PCDHA2: variants seen among roughly 807,000 people sequenced by gnomAD.
PCDHA2 encodes the protein protocadherin alpha 2, also known as protocadherin alpha-2.
In PCDHA2, 58 loss-of-function variants were observed where a neutral mutation model predicts 66.0. That is an observed-to-expected ratio of 0.88 (90% CI 0.71 to 1.09). The LOEUF (loss-of-function observed/expected upper bound fraction) is 1.09, where lower values mean the gene tolerates loss of function less well. Among genes scored for constraint, PCDHA2 ranks in the 50% least tolerant of loss-of-function variants. PCDHA2 has a pLI of 0.00. For missense variants in PCDHA2, 1,267 were observed against 1,242.3 expected (o/e 1.02, Z -0.30); for synonymous variants, 634 against 554.0 (o/e 1.14, Z -2.03).
At chr5:140,936,367 A>C (rs1347774517) in intron 1 of PCDHA2, among the ~76,000 whole-genome samples, 2 of 152,230 alleles carry the variant, frequency 1.3e-5, no homozygotes, top group East Asian at 1.9e-4. Flanking sequence ...GCTACTGAGC[A>C]CTTGAAATGT....
At chr5:140,857,189 A>C (rs782018937) in intron 1 of PCDHA2, 1 of 1,598,598 alleles carries the variant, frequency 6.3e-7, no homozygotes, top group Non-Finnish European at 8.6e-7. Context: ...TTCAGGAGCC[A>C]ACGGACAGGT....
chr5:140,819,029 A>G (rs1307031526), intron 1 of PCDHA2, among the ~76,000 whole-genome samples: 1 of 152,214 alleles, frequency 6.6e-6, no homozygotes, highest in Non-Finnish European at 1.5e-5. Flanking sequence ...ATTTTAGCAC[A>G]TTCCCTTATA....
At chr5:140,869,355 G>A (rs782391359) in intron 1 of PCDHA2, 19 of 1,614,012 alleles carry the variant, frequency 1.2e-5, no homozygotes, top group Admixed American at 1.7e-5. Context: ...ATGGCATTTT[G>A]TTTGTGAATT....
chr5:140,878,627 T>C (rs2057676475), intron 1 of PCDHA2, among the ~76,000 whole-genome samples: 1 of 152,236 alleles, frequency 6.6e-6, no homozygotes, highest in Non-Finnish European at 1.5e-5. Flanking sequence ...TTACATATTT[T>C]AACTTTCTAT....
At chr5:140,823,676 G>C in intron 1 of PCDHA2, 3 of 1,614,042 alleles carry the variant, frequency 1.9e-6, no homozygotes, top group Non-Finnish European at 2.5e-6. Flanking sequence ...AGCACAACAC[G>C]CTCTCTGGAT....
At chr5:140,836,957 G>T (rs193007351) in intron 1 of PCDHA2, 3 of 414,634 alleles carry the variant, frequency 7.2e-6, no homozygotes, top group African/African-American at 4.1e-5. Context: ...TATGGTTTAT[G>T]TTGGCTACTC....
chr5:140,851,444 A>G (rs1182271875), intron 1 of PCDHA2: 1 of 917,790 alleles, frequency 1.1e-6, no homozygotes, highest in Non-Finnish European at 1.3e-6. Context: ...CAGTTGCTCC[A>G]CTTTAGGAAT....
chr5:140,921,233 T>C lies in PCDHA2; in HGVS notation c.2389-57716T>C, dbSNP rs1431130539. 2.6e-5 allele frequency among the ~76,000 whole-genome samples: 4 copies of C among 152,162 alleles called. No individual in the cohort carries two copies. The East Asian group carries it at 5.8e-4, about 22-fold the overall frequency. ...TTCACGTCTTTTTTGCTAGATGATATTAAGCCACAGATCAAAAAGTCCTAG... is the reference window on the plus strand; with the variant it reads ...TTCACGTCTTTTTTGCTAGATGATACTAAGCCACAGATCAAAAAGTCCTAG... On this transcript the variant is annotated intron_variant, in intron 1 of 3. Coordinates refer to ENST00000526136, the MANE Select transcript of PCDHA2 (RefSeq NM_018905.3).
chr5:140,797,305 G>A lies in PCDHA2; in HGVS notation c.2341G>A (p.Asp781Asn). Residue 781 changes from aspartate (D) to asparagine (N), a missense_variant, in exon 1 of 4, where the codon GAC becomes AAC. Transcript: ENST00000526136. The stretch of plus-strand genomic sequence containing the variant: ...CAGCCCTAGCTTATCTCAAGGTCCA[G>A]ACTCCGCAGAAGAGAAACAGCTCTC... The part of the protein sequence containing the change: ...AFSPSLSQGP[D>N]SAEEKQLSES... 6.2e-7 allele frequency: 1 copy of A among 1,614,228 alleles called. No individual in the cohort carries two copies. Among genetic ancestry groups the A allele is most frequent in the South Asian group, 1.1e-5 (1 of 91,086 alleles).
rs1562773759 is a variant in PCDHA2 at position 140,882,388 on chromosome 5, A to G, written c.2388+85036A>G. 2.5e-6 allele frequency: 4 copies of G among 1,614,158 alleles called. No individual in the cohort carries two copies. The African/African-American group carries it at 4.0e-5, about 16-fold the overall frequency. Reference sequence around the variant, plus strand: ...ACTACTCCGTCCCCGAGGAAGCAAAACACGGCACCTTCGTGGGCCGCATCG... The same window carrying G: ...ACTACTCCGTCCCCGAGGAAGCAAAGCACGGCACCTTCGTGGGCCGCATCG... On this transcript the variant is annotated intron_variant, in intron 1 of 3. Transcript: ENST00000526136.
At chr5:140,886,903 A>G (rs1432603652) in intron 1 of PCDHA2, among the ~76,000 whole-genome samples, 1 of 152,188 alleles carries the variant, frequency 6.6e-6, no homozygotes, top group East Asian at 1.9e-4. Context: ...CATTTAATAA[A>G]TACTTATTGA....
intron 1 of PCDHA2, among the ~76,000 whole-genome samples, chr5:140,948,234 T>G (rs1011132417): frequency 6.6e-6 from 1 of 151,670 alleles, no homozygotes; most frequent in African/African-American, 2.4e-5. Flanking sequence ...TTAACTTGTA[T>G]TTTAGTAAAT....
intron 1 of PCDHA2, chr5:140,857,065 A>G (rs782608134): frequency 6.3e-7 from 1 of 1,594,864 alleles, no homozygotes; most frequent in Non-Finnish European, 8.6e-7. Flanking sequence ...TAGTGGAACT[A>G]CTGGATGAAA....
intron 1 of PCDHA2, chr5:140,862,791 G>A (rs782639549): frequency 1.7e-6 from 1 of 578,844 alleles, no homozygotes; most frequent in Non-Finnish European, 3.3e-6. Context: ...TGGACTACGA[G>A]GAGCTGGAGC....
rs199714982 is a variant in PCDHA2, at chr5:140,967,252, G to T, written c.2389-11697G>T. On this transcript the variant is annotated intron_variant, in intron 1 of 3. Coordinates refer to ENST00000526136, the MANE Select transcript of PCDHA2 (RefSeq NM_018905.3). ...AGCTTCAGGTAAGCGAATCGGTGGC[G>T]CCTGGAGCGCGCTTTCACATAGAGA... 6.0e-5 allele frequency: 97 copies of T among 1,613,386 alleles called. 1 individual carries two copies. Among genetic ancestry groups the T allele is most frequent in the Non-Finnish European group, 8.0e-5 (94 of 1,179,870 alleles).
At chr5:141,007,395 CAAAAA>C (rs35800918) in intron 3 of PCDHA2, among the ~76,000 whole-genome samples, 1 of 94,866 alleles carries the variant, frequency 1.1e-5, no homozygotes, top group Non-Finnish European at 2.1e-5. Flanking sequence ...TACTAAAATA[CAAAAA>C]AAAAAAAAAA....
At chr5:140,870,667 T>C (rs251372) in intron 1 of PCDHA2, 777,079 of 1,612,370 alleles carry the variant, frequency 0.48, 188,810 homozygotes, top group South Asian at 0.57. Context: ...GCTGCAGCCG[T>C]TGGACCACGA....
At chr5:140,918,846 C>T (rs1261805257) in intron 1 of PCDHA2, among the ~76,000 whole-genome samples, 1 of 152,140 alleles carries the variant, frequency 6.6e-6, no homozygotes, top group African/African-American at 2.4e-5. Flanking sequence ...ACTAAATCTG[C>T]TGGTGCCTGA....
intron 1 of PCDHA2, among the ~76,000 whole-genome samples, chr5:140,797,953 A>G (rs1355530317): frequency 1.3e-5 from 2 of 152,106 alleles, no homozygotes; most frequent in African/African-American, 4.8e-5. Flanking sequence ...CCCGGGTTCA[A>G]GTGATTGTCT....
Sources: gnomAD v4.1 joint callset for allele counts (sites outside exome capture counted in the v4.1 genomes callset) on GRCh38, gnomAD v4.1.1 for gene constraint, MANE v1.5 for transcripts, NCBI Gene and HGNC (gene_info 2026-07-23, HGNC 2026-07-21) for gene names.